ZMYM4: variants seen among roughly 807,000 people sequenced by gnomAD.
The protein encoded by ZMYM4 is zinc finger MYM-type containing 4, also known as zinc finger MYM-type protein 4.
Under a neutral mutation model 183.2 loss-of-function variants are expected in ZMYM4, and 31 were observed. The observed-to-expected ratio is 0.17, with a 90% CI of 0.13 to 0.23. The LOEUF (loss-of-function observed/expected upper bound fraction) is 0.23, where lower values mean the gene tolerates loss of function less well. ZMYM4 is among the 10% of genes least tolerant of loss of function. The probability of loss-of-function intolerance (pLI) is 1.00; values close to 1 mark genes in which losing one functional copy is unlikely to be tolerated. For missense variants in ZMYM4, 1,273 were observed against 1,840.3 expected (o/e 0.69, Z 5.64); for synonymous variants, 592 against 631.2 (o/e 0.94, Z 0.93).
At chr1:35,272,209 A>G (rs554746329) in intron 1 of ZMYM4, among the ~76,000 whole-genome samples, 7 of 152,310 alleles carry the variant, frequency 4.6e-5, no homozygotes, top group Middle Eastern at 3.4e-3. Context: ...AACTATCCAC[A>G]TAGACTTAGA....
intron 5 of ZMYM4, among the ~76,000 whole-genome samples, chr1:35,366,612 C>T (rs1056580412): frequency 6.6e-6 from 1 of 152,124 alleles, no homozygotes; most frequent in African/African-American, 2.4e-5. Context: ...AAAAGATACA[C>T]TATTCCCAGC....
intron 1 of ZMYM4, among the ~76,000 whole-genome samples, chr1:35,271,493 C>T (rs1341832796): frequency 6.6e-6 from 1 of 152,152 alleles, no homozygotes; most frequent in Non-Finnish European, 1.5e-5. Flanking sequence ...ACCTCCGCCT[C>T]CCGGGTTCAA....
chr1:35,358,314 T>C (rs1331994621), intron 2 of ZMYM4, among the ~76,000 whole-genome samples: 1 of 152,162 alleles, frequency 6.6e-6, no homozygotes, highest in Non-Finnish European at 1.5e-5. Flanking sequence ...AAATAGTCTT[T>C]TATTCTAGGT....
intron 18 of ZMYM4, among the ~76,000 whole-genome samples, chr1:35,395,292 G>A (rs750271407): frequency 2.0e-5 from 3 of 149,218 alleles, no homozygotes; most frequent in Non-Finnish European, 3.0e-5. Context: ...TTTAATGTCC[G>A]CTGTATTATG....
chr1:35,339,740 G>A (rs543953719), intron 2 of ZMYM4, among the ~76,000 whole-genome samples: 7 of 152,156 alleles, frequency 4.6e-5, no homozygotes, highest in East Asian at 1.9e-4. Context: ...TGCCTTTCAC[G>A]TGTAGCTTTT....
chr1:35,370,322 A>C (rs1367163395), intron 6 of ZMYM4, 50 bp from the exon 7 acceptor site: 2 of 1,458,436 alleles, frequency 1.4e-6, no homozygotes, highest in Non-Finnish European at 1.8e-6. Context: ...AAAAAGTAAA[A>C]CATTTTTTTC....
intron 2 of ZMYM4, among the ~76,000 whole-genome samples, chr1:35,327,042 G>A (rs1219365461): frequency 6.6e-6 from 1 of 152,042 alleles, no homozygotes; most frequent in African/African-American, 2.4e-5. Context: ...TATATTTTTG[G>A]TAGAGATGGG....
intron 25 of ZMYM4, among the ~76,000 whole-genome samples, chr1:35,405,752 A>G (rs1570539911): frequency 8.6e-6 from 1 of 116,680 alleles, no homozygotes; most frequent in African/African-American, 3.3e-5. Flanking sequence ...ATCCATGTGG[A>G]GCCCAGTTTT....
intron 1 of ZMYM4, among the ~76,000 whole-genome samples, chr1:35,299,158 A>G (rs1033567579): frequency 1.3e-5 from 2 of 151,444 alleles, no homozygotes; most frequent in South Asian, 4.2e-4. Context: ...ATGCACCACC[A>G]CACCTGGTGT....
At chr1:35,289,682 T>A (rs796970744) in intron 1 of ZMYM4, among the ~76,000 whole-genome samples, 10 of 152,280 alleles carry the variant, frequency 6.6e-5, no homozygotes, top group African/African-American at 2.4e-4. Context: ...CATTGTGGGA[T>A]ATTCAGCTGC....
intron 5 of ZMYM4, 142 bp downstream of exon 5, chr1:35,361,931 T>C (rs1558081947): frequency 5.4e-6 from 6 of 1,115,910 alleles, no homozygotes; most frequent in Non-Finnish European, 7.5e-6. Context: ...CGATTTGAAT[T>C]ACCATATAAG....
chr1:35,308,002 TA>T, intron 1 of ZMYM4, among the ~76,000 whole-genome samples: 1 of 151,610 alleles, frequency 6.6e-6, no homozygotes, highest in Non-Finnish European at 1.5e-5. Flanking sequence ...GCTAATTTTT[TA>T]ATTTTTTTGA....
chr1:35,285,441 A>G (rs1309896967), intron 1 of ZMYM4, among the ~76,000 whole-genome samples: 1 of 152,076 alleles, frequency 6.6e-6, no homozygotes, highest in East Asian at 1.9e-4. Context: ...AATCTACCAC[A>G]TTAGTAGAAT....
intron 1 of ZMYM4, chr1:35,309,137 GAAA>G: frequency 1.4e-6 from 1 of 720,800 alleles, no homozygotes; most frequent in Non-Finnish European, 1.7e-6. Context: ...TCTGAGAAAT[GAAA>G]CAAGATGACT....
At chr1:35,346,650 C>CAAAAAAAAAA (rs746472685) in intron 2 of ZMYM4, among the ~76,000 whole-genome samples, 62 of 54,100 alleles carry the variant, frequency 1.1e-3, no homozygotes, top group African/African-American at 2.2e-3. Context: ...GACTCCATCT[C>CAAAAAAAAAA]AAAAAAAAAA....
In ZMYM4 at chr1:35,408,045, C is replaced by T. The variant is rs756622671; in HGVS notation, c.3834C>T (p.Cys1278=). 86 of 1,614,106 alleles carry T rather than the reference C, an allele frequency of 5.3e-5. No individual in the cohort carries two copies. In the East Asian group the frequency reaches 1.8e-3, roughly 34 times the overall value. Residue 1278 remains cysteine (C), a synonymous_variant, in exon 26 of 30, where the codon TGC becomes TGT. Transcript: ENST00000314607. The part of the protein sequence containing the change: ...SIKLKEDILS[C]TFAELSLGLC... Reference sequence around the variant, plus strand: ...AGCTGAAGGAAGACATTCTGTCCTGCACTTTTGCTGAGTTGAGTTTGGGCT... The same window carrying T: ...AGCTGAAGGAAGACATTCTGTCCTGTACTTTTGCTGAGTTGAGTTTGGGCT...
intron 2 of ZMYM4, among the ~76,000 whole-genome samples, chr1:35,358,509 G>A (rs1643878150): frequency 6.6e-6 from 1 of 151,980 alleles, no homozygotes; most frequent in South Asian, 2.1e-4. Flanking sequence ...GTGTTAGTAG[G>A]TCTTTTGTAC....
At chr1:35,353,094 G>A (rs546776918) in intron 2 of ZMYM4, among the ~76,000 whole-genome samples, 1 of 152,292 alleles carries the variant, frequency 6.6e-6, no homozygotes, top group East Asian at 1.9e-4. Flanking sequence ...ATGACACCCT[G>A]TTGTGTTATT....
rs1172615971 is a variant in ZMYM4 at position 35,409,480 on chromosome 1, G to T, written c.3948+1321G>T. Among the ~76,000 whole-genome samples, 5 of 151,970 alleles carry T rather than the reference G, an allele frequency of 3.3e-5. No individual in the cohort carries two copies. The East Asian group carries it at 9.7e-4, about 29-fold the overall frequency. ...TTTTTTTAAACAACCATCCTGGTGG[G>T]TATGAAATGATATCTCATTGTGTTT... On this transcript the variant is annotated intron_variant, in intron 26 of 29. Transcript: ENST00000314607.
Sources: gnomAD v4.1 joint callset for allele counts (sites outside exome capture counted in the v4.1 genomes callset) on GRCh38, gnomAD v4.1.1 for gene constraint, MANE v1.5 for transcripts, NCBI Gene and HGNC (gene_info 2026-07-23, HGNC 2026-07-21) for gene names.